FAM170A: variants seen among roughly 807,000 people sequenced by gnomAD.
The protein encoded by FAM170A is protein FAM170A.
A neutral mutation model predicts 36.6 loss-of-function variants in FAM170A; 28 were observed. That is an observed-to-expected ratio of 0.76 (90% CI 0.57 to 1.05). FAM170A has a LOEUF of 1.05. Among genes scored for constraint, FAM170A ranks in the 50% least tolerant of loss-of-function variants. The probability of loss-of-function intolerance (pLI) is 0.00; values close to 1 mark genes in which losing one functional copy is unlikely to be tolerated. For synonymous variants in FAM170A, 156 were observed against 143.9 expected (o/e 1.08, Z -0.60); for missense variants, 434 against 396.5 (o/e 1.09, Z -0.80).
exon 1 of FAM170A, chr5:119,629,632 C>T: frequency 1.5e-6 from 1 of 652,206 alleles, no homozygotes; most frequent in Non-Finnish European, 2.7e-6. Context: ...AGTTCTTTAG[C>T]TATCTCGGAG....
chr5:119,633,320 G>C (rs555731296), intron 2 of FAM170A, among the ~76,000 whole-genome samples: 2 of 152,244 alleles, frequency 1.3e-5, no homozygotes, highest in East Asian at 1.9e-4. Flanking sequence ...AGAGCTGTTA[G>C]AAGAGCATGG....
chr5:119,632,914 CGTGGCTCCTTGGCT>C, intron 2 of FAM170A, 26 bp downstream of exon 2: 1 of 1,553,726 alleles, frequency 6.4e-7, no homozygotes, highest in South Asian at 1.2e-5. Context: ...TCCTTCGGCA[CGTGGCTCCTTGGCT>C]GTGGGGTTCA....
chr5:119,634,917 G>A (rs1297873582), intron 3 of FAM170A, 111 bp from the exon 4 acceptor site: 44 of 1,421,188 alleles, frequency 3.1e-5, no homozygotes, highest in African/African-American at 4.3e-5. Context: ...ATAAAGTCTC[G>A]ATTGTAAGTC....
At chr5:119,634,199 T>G (rs1230605698) in exon 3 of FAM170A, 12 of 1,613,740 alleles carry the variant, frequency 7.4e-6, no homozygotes, top group Admixed American at 5.0e-5. Context: ...AACTTTGGAG[T>G]CCTTAGAAAA....
At chr5:119,630,321 A>ATTTTTT (rs10603530) in intron 1 of FAM170A, among the ~76,000 whole-genome samples, 128 of 118,338 alleles carry the variant, frequency 1.1e-3, no homozygotes, top group Non-Finnish European at 1.4e-3. Flanking sequence ...CGCCTGGCTA[A>ATTTTTT]TTTTTTTTTT....
intron 2 of FAM170A, among the ~76,000 whole-genome samples, chr5:119,633,412 G>T (rs1014745106): frequency 2.6e-5 from 4 of 152,046 alleles, no homozygotes; most frequent in African/African-American, 9.7e-5. Flanking sequence ...GTCTGCTGTT[G>T]GGGTGTAGGG....
At chr5:119,632,805 G>C (rs748471653) in exon 2 of FAM170A, 2 of 1,612,974 alleles carry the variant, frequency 1.2e-6, no homozygotes, top group Admixed American at 3.3e-5. Context: ...GTGGCCAAAG[G>C]CTGGAGCCAA....
chr5:119,632,851 C>T, exon 2 of FAM170A: 1 of 1,612,194 alleles, frequency 6.2e-7, no homozygotes, highest in East Asian at 2.2e-5. Flanking sequence ...CCGAATACTG[C>T]TCCTGCGTTT....
intron 3 of FAM170A, 112 bp downstream of exon 3, chr5:119,634,846 T>A: frequency 1.6e-6 from 2 of 1,280,644 alleles, no homozygotes; most frequent in Non-Finnish European, 2.2e-6. Flanking sequence ...GGGGCTTTAT[T>A]GGCTCAGGGA....
intron 3 of FAM170A, 33 bp from the exon 4 acceptor site, chr5:119,634,992 TAAG>T (rs753746223): frequency 6.2e-7 from 1 of 1,613,548 alleles, no homozygotes; most frequent in East Asian, 2.2e-5. Context: ...TCGCATTAAC[TAAG>T]AAGTGTCTTT....
exon 1 of FAM170A, chr5:119,629,738 G>A (rs1211639430): frequency 6.3e-7 from 1 of 1,575,820 alleles, no homozygotes; most frequent in Non-Finnish European, 8.7e-7. Context: ...TGGACATTAA[G>A]CATCTTCTAG....
exon 2 of FAM170A, chr5:119,632,783 G>C: frequency 6.2e-7 from 1 of 1,611,002 alleles, no homozygotes; most frequent in Non-Finnish European, 8.5e-7. Context: ...CCTGCAGCCT[G>C]GATCCACTAG....
exon 3 of FAM170A, chr5:119,634,337 A>T: frequency 8.7e-6 from 14 of 1,614,190 alleles, no homozygotes; most frequent in Non-Finnish European, 1.2e-5. Context: ...GCATGAGGAA[A>T]GGACAGAATC....
chr5:119,629,608 C>A, exon 1 of FAM170A: 1 of 562,348 alleles, frequency 1.8e-6, no homozygotes, highest in Non-Finnish European at 3.2e-6. Flanking sequence ...GCTGCTCCTT[C>A]ACTAAGCGGT....
At chr5:119,634,850 T>C in intron 3 of FAM170A, 116 bp downstream of exon 3, 1 of 1,272,586 alleles carries the variant, frequency 7.9e-7, no homozygotes, top group Non-Finnish European at 1.1e-6. Flanking sequence ...CTTTATTGGC[T>C]CAGGGAACAA....
At chr5:119,629,871 C>T (rs374554499) in intron 1 of FAM170A, 33 bp downstream of exon 1, 8 of 1,536,686 alleles carry the variant, frequency 5.2e-6, no homozygotes, top group Non-Finnish European at 7.2e-6. Flanking sequence ...GGGGCACAAG[C>T]GTCACTGGCC....
At position 119,634,062 on chromosome 5, in the gene FAM170A, C is replaced by T. The variant is rs746142015; in HGVS notation, c.314C>T (p.Ser105Leu). ...CCCCGCTCACAACATGTCTCCTTGT[C>T]GTCCTATTCATCCTATAAGACTTGT... Residue 105 changes from serine (S) to leucine (L), a missense_variant, in exon 3 of 5, where the codon TCG becomes TTG. Coordinates refer to ENST00000613773, the Ensembl canonical transcript of FAM170A. 1.5e-5 allele frequency: 24 copies of T among 1,613,614 alleles called. No individual in the cohort carries two copies. The highest frequency in any genetic ancestry group is 2.7e-5 in the African/African-American group (2 of 74,886).
rs755918496 is a variant in FAM170A at position 119,634,387 on chromosome 5, C to A, written c.639C>A (p.Pro213=). The change falls in exon 3 of 5, where the codon CCC becomes CCA. Residue 213 remains proline (P), a synonymous_variant. Transcript: ENST00000613773. ...GCTCACCCACCGTTGAGGACACACC[C>A]AGAGCCAAGACTCCTGACTGGCTGG... 1.9e-6 allele frequency: 3 copies of A among 1,614,176 alleles called. No individual in the cohort carries two copies. The South Asian group carries it at 3.3e-5, about 18-fold the overall frequency.
intron 2 of FAM170A, 56 bp downstream of exon 2, chr5:119,632,944 CA>C: frequency 6.6e-7 from 1 of 1,506,224 alleles, no homozygotes; most frequent in Non-Finnish European, 8.9e-7. Flanking sequence ...GTTCATTGGG[CA>C]TGAAAATATT....
Sources: allele counts gnomAD v4.1 joint callset (sites outside exome capture counted in the v4.1 genomes callset), GRCh38; gene constraint gnomAD v4.1.1; transcripts MANE v1.5; gene names NCBI Gene and HGNC (gene_info 2026-07-23, HGNC 2026-07-21).